Variants in RTL4 observed in about 807,000 individuals in gnomAD.
The protein encoded by RTL4 is retrotransposon Gag like 4, also known as retrotransposon Gag-like protein 4.
Under a neutral mutation model 5.3 loss-of-function variants are expected in RTL4, and 4 were observed. The ratio of observed to expected loss-of-function variants is 0.75; its 90% CI spans 0.37 to 1.72. The LOEUF (loss-of-function observed/expected upper bound fraction) is 1.72. RTL4 is among the 40% of genes most tolerant of loss of function. RTL4 has a pLI of 0.04. For missense variants in RTL4, 260 were observed against 227.1 expected, an observed-to-expected ratio of 1.14 and a Z score of -0.93; for synonymous variants, 98 against 87.3, an observed-to-expected ratio of 1.12 and a Z score of -0.68.
chrX:112,085,996 G>A, the RTL4 span, among the ~76,000 whole-genome samples: 1 of 111,598 alleles, frequency 9.0e-6, no homozygotes, highest in East Asian at 2.8e-4. Context: ...AGATCTGTAA[G>A]ACATAATCCC....
the RTL4 span, among the ~76,000 whole-genome samples, chrX:112,411,223 T>C: frequency 7.2e-5 from 8 of 111,531 alleles, no homozygotes; most frequent in African/African-American, 2.3e-4. Context: ...AAAAGTCTCC[T>C]AGCAAACAGA....
the RTL4 span, among the ~76,000 whole-genome samples, chrX:112,328,705 A>AT: frequency 3.6e-5 from 4 of 111,690 alleles, no homozygotes; most frequent in Non-Finnish European, 7.5e-5. Context: ...CAGAATATAC[A>AT]TTTTTTTCAG....
the RTL4 span, among the ~76,000 whole-genome samples, chrX:112,261,991 G>T: frequency 0.18 from 19,998 of 110,721 alleles, 1,353 homozygotes; most frequent in African/African-American, 0.22. Flanking sequence ...GCTAGCCATA[G>T]GTAGAAAGCT....
chrX:112,398,438 C>T, the RTL4 span, among the ~76,000 whole-genome samples: 4 of 83,169 alleles, frequency 4.8e-5, no homozygotes, highest in East Asian at 3.7e-4. Context: ...CTCCCTCTGT[C>T]GCCCAGGCTG....
chrX:112,205,758 G>A, the RTL4 span, among the ~76,000 whole-genome samples: 1 of 111,874 alleles, frequency 8.9e-6, no homozygotes, highest in African/African-American at 3.2e-5. Context: ...TATTTCACTA[G>A]TATAGATCAC....
chrX:112,191,263 A>T, the RTL4 span, among the ~76,000 whole-genome samples: 8 of 112,064 alleles, frequency 7.1e-5, no homozygotes, highest in African/African-American at 2.6e-4. Flanking sequence ...CTCCCATAAA[A>T]AAAGGTCCTA....
chrX:112,421,574 C>T, the RTL4 span, among the ~76,000 whole-genome samples: 1 of 111,780 alleles, frequency 8.9e-6, no homozygotes. Flanking sequence ...CAAGATACCT[C>T]AATCCCAAAC....
At chrX:112,224,191 C>T in the RTL4 span, among the ~76,000 whole-genome samples, 2 of 111,371 alleles carry the variant, frequency 1.8e-5, no homozygotes, top group African/African-American at 6.5e-5. Context: ...CCAGTAGAGA[C>T]ATGGTCTGCA....
At chrX:112,196,808 C>T in the RTL4 span, among the ~76,000 whole-genome samples, 60 of 111,199 alleles carry the variant, frequency 5.4e-4, no homozygotes, top group South Asian at 3.8e-4. Flanking sequence ...TGTCTTTTGC[C>T]TATGTTATAA....
chrX:112,337,877 C>G, the RTL4 span, among the ~76,000 whole-genome samples: 2 of 111,012 alleles, frequency 1.8e-5, no homozygotes, highest in African/African-American at 6.5e-5. Flanking sequence ...TATGGAAGTA[C>G]GTAGGGCACT....
At chrX:112,457,112 C>T (rs1456629337) in exon 1 of RTL4, 1 of 123,308 alleles carries the variant, frequency 8.1e-6, no homozygotes, top group Non-Finnish European at 1.9e-5. Flanking sequence ...CCATCAAGGC[C>T]TCTCAGAACA....
At chrX:112,183,338 TA>T in the RTL4 span, among the ~76,000 whole-genome samples, 3 of 112,301 alleles carry the variant, frequency 2.7e-5, no homozygotes, top group South Asian at 1.1e-3. Flanking sequence ...GTAAATGGGC[TA>T]AATGCCCCAA....
At chrX:112,443,978 G>A in the RTL4 span, among the ~76,000 whole-genome samples, 1 of 111,392 alleles carries the variant, frequency 9.0e-6, no homozygotes, top group Admixed American at 9.6e-5. Flanking sequence ...TGCTTCGGTC[G>A]CCTATGCTTG....
chrX:112,423,681 G>T, the RTL4 span, among the ~76,000 whole-genome samples: 2 of 111,151 alleles, frequency 1.8e-5, no homozygotes, highest in African/African-American at 6.5e-5. Context: ...TTGTTTTAGG[G>T]GATGTTTCTA....
the RTL4 span, among the ~76,000 whole-genome samples, chrX:112,233,727 T>C: frequency 1.8e-5 from 2 of 111,367 alleles, no homozygotes; most frequent in African/African-American, 3.3e-5. Context: ...TTTGTTATGC[T>C]TTGTCCAACA....
At chrX:112,252,912 C>T in the RTL4 span, among the ~76,000 whole-genome samples, 2 of 111,283 alleles carry the variant, frequency 1.8e-5, no homozygotes, top group African/African-American at 6.5e-5. Flanking sequence ...ATACAGCTTG[C>T]TAATGAGGGC....
chrX:112,104,165 C>T, the RTL4 span, among the ~76,000 whole-genome samples: 3 of 111,912 alleles, frequency 2.7e-5, no homozygotes, highest in African/African-American at 9.7e-5. Flanking sequence ...TCTTTCTGTG[C>T]CTAGCTTATT....
At chrX:112,323,715 C>T in the RTL4 span, among the ~76,000 whole-genome samples, 1 of 110,986 alleles carries the variant, frequency 9.0e-6, no homozygotes, top group Non-Finnish European at 1.9e-5. Context: ...GTTTTGAACT[C>T]TTGGGCTCAA....
At chrX:112,347,603 C>T in the RTL4 span, among the ~76,000 whole-genome samples, 1 of 111,605 alleles carries the variant, frequency 9.0e-6, no homozygotes, top group East Asian at 2.8e-4. Context: ...AGATGGGGAA[C>T]AGGAACTCTG....
Sources: allele counts gnomAD v4.1 joint callset (sites outside exome capture counted in the v4.1 genomes callset), GRCh38; gene constraint gnomAD v4.1.1; transcripts MANE v1.5; gene names NCBI Gene and HGNC (gene_info 2026-07-23, HGNC 2026-07-21).